NUP210L: variants seen among roughly 807,000 people sequenced by gnomAD.
NUP210L encodes the protein nuclear pore membrane glycoprotein 210-like.
A neutral mutation model predicts 208.5 loss-of-function variants in NUP210L; 74 were observed. That is an observed-to-expected ratio of 0.35 (90% CI 0.29 to 0.43). The LOEUF (loss-of-function observed/expected upper bound fraction) is 0.43. Among genes scored for constraint, NUP210L ranks in the 20% least tolerant of loss-of-function variants. NUP210L has a pLI of 1.00. For synonymous variants in NUP210L, 780 were observed against 816.9 expected, an observed-to-expected ratio of 0.95 and a Z score of 0.77; for missense variants, 1,843 against 2,289.4, an observed-to-expected ratio of 0.81 and a Z score of 3.98.
At chr1:154,032,079 C>T (rs1026202222) in intron 27 of NUP210L, among the ~76,000 whole-genome samples, 5 of 151,964 alleles carry the variant, frequency 3.3e-5, no homozygotes, top group African/African-American at 1.2e-4. Flanking sequence ...GTATATACAC[C>T]TCATTTTCTT....
intron 16 of NUP210L, among the ~76,000 whole-genome samples, chr1:154,077,418 C>G (rs1655094329): frequency 6.6e-6 from 1 of 151,594 alleles, no homozygotes; most frequent in South Asian, 2.1e-4. Context: ...AGACTGCCAG[C>G]CAACAATTCT....
intron 7 of NUP210L, among the ~76,000 whole-genome samples, chr1:154,130,627 G>C (rs1032810222): frequency 7.0e-6 from 1 of 141,864 alleles, no homozygotes; most frequent in Non-Finnish European, 1.5e-5. Context: ...CTGTCACCCA[G>C]GCTGAGTGCA....
At chr1:154,097,312 G>A (rs1656224440) in intron 14 of NUP210L, among the ~76,000 whole-genome samples, 1 of 152,056 alleles carries the variant, frequency 6.6e-6, no homozygotes, top group Admixed American at 6.6e-5. Flanking sequence ...TAAACAATTT[G>A]TTTTTCATCA....
chr1:154,033,761 A>G (rs1293596594), intron 27 of NUP210L, among the ~76,000 whole-genome samples: 1 of 152,056 alleles, frequency 6.6e-6, no homozygotes, highest in Non-Finnish European at 1.5e-5. Flanking sequence ...AACTTTTACA[A>G]TTATTTTTTC....
intron 35 of NUP210L, among the ~76,000 whole-genome samples, chr1:154,007,152 G>A (rs1238066494): frequency 7.2e-6 from 1 of 139,800 alleles, no homozygotes; most frequent in Non-Finnish European, 1.5e-5. Context: ...TAGTAAAGAC[G>A]GAGTTTCACC....
At chr1:154,096,802 C>T (rs1204337911) in intron 14 of NUP210L, among the ~76,000 whole-genome samples, 1 of 151,702 alleles carries the variant, frequency 6.6e-6, no homozygotes, top group African/African-American at 2.4e-5. Flanking sequence ...AGTTTTTGGC[C>T]AGGTGTGGTG....
chr1:154,031,646 T>G (rs1652229287), intron 27 of NUP210L, among the ~76,000 whole-genome samples: 2 of 151,902 alleles, frequency 1.3e-5, no homozygotes, highest in South Asian at 4.2e-4. Flanking sequence ...TGTCTATCTA[T>G]ACTTGGCTTA....
chr1:154,151,773 G>GC (rs1659396359), intron 2 of NUP210L, among the ~76,000 whole-genome samples: 1 of 151,992 alleles, frequency 6.6e-6, no homozygotes. Context: ...GTGCAACAAA[G>GC]CAAGACCCTG....
intron 38 of NUP210L, 123 bp downstream of exon 38, chr1:153,994,953 T>A: frequency 1.7e-6 from 1 of 577,254 alleles, no homozygotes; most frequent in South Asian, 2.2e-5. Flanking sequence ...CAGAGGTTGC[T>A]GTAAGCCAAG....
intron 20 of NUP210L, among the ~76,000 whole-genome samples, chr1:154,059,933 T>C (rs1408275843): frequency 2.0e-5 from 3 of 152,188 alleles, no homozygotes; most frequent in African/African-American, 7.2e-5. Flanking sequence ...ATGTCCTGGC[T>C]GAAAACATCA....
intron 7 of NUP210L, among the ~76,000 whole-genome samples, chr1:154,131,368 T>C (rs770165989): frequency 2.6e-5 from 4 of 152,088 alleles, no homozygotes; most frequent in Non-Finnish European, 4.4e-5. Flanking sequence ...AACAGATCTC[T>C]AAAACAATTC....
chr1:154,139,687 C>CAAA, intron 5 of NUP210L, 115 bp downstream of exon 5: 82 of 543,688 alleles, frequency 1.5e-4, no homozygotes, highest in South Asian at 2.6e-4. Context: ...AACAAACAAA[C>CAAA]AAAAAAAAAA....
chr1:154,062,117 C>T (rs11264972), intron 17 of NUP210L, among the ~76,000 whole-genome samples: 12,042 of 152,150 alleles, frequency 0.079, 614 homozygotes, highest in Middle Eastern at 0.14. Context: ...CGAGCCACCA[C>T]GCCCGGCCTG....
At chr1:154,126,120 C>T (rs144112887) in intron 10 of NUP210L, among the ~76,000 whole-genome samples, 21 of 152,016 alleles carry the variant, frequency 1.4e-4, no homozygotes, top group African/African-American at 4.8e-4. Context: ...ACACAATGAC[C>T]GCAAATGCAG....
intron 7 of NUP210L, among the ~76,000 whole-genome samples, chr1:154,134,159 AAT>A (rs1376738769): frequency 2.0e-5 from 3 of 150,090 alleles, no homozygotes; most frequent in African/African-American, 2.4e-5. Flanking sequence ...TCAAAAAAAA[AAT>A]AATAATAATA....
intron 2 of NUP210L, 31 bp downstream of exon 2, chr1:154,152,705 G>A: frequency 1.9e-6 from 3 of 1,597,948 alleles, no homozygotes; most frequent in Non-Finnish European, 2.6e-6. Flanking sequence ...CCCAGAAGAA[G>A]TGATACATAG....
chr1:154,118,783 A>G, exon 11 of NUP210L: 2 of 1,583,566 alleles, frequency 1.3e-6, no homozygotes, highest in Admixed American at 1.7e-5. Flanking sequence ...TTTGATTAGA[A>G]ATTTTATAGG....
intron 4 of NUP210L, among the ~76,000 whole-genome samples, chr1:154,140,811 T>C (rs1658818707): frequency 6.7e-6 from 1 of 150,346 alleles, no homozygotes; most frequent in African/African-American, 2.4e-5. Flanking sequence ...TGAAACCCTG[T>C]TCTCTACTAA....
chr1:154,126,176 A>G, intron 10 of NUP210L, 147 bp downstream of exon 10: 1 of 581,220 alleles, frequency 1.7e-6, no homozygotes, highest in Non-Finnish European at 3.0e-6. Flanking sequence ...AAATTTGTAG[A>G]GGTATACACT....
Sources: allele counts gnomAD v4.1 joint callset (sites outside exome capture counted in the v4.1 genomes callset), GRCh38; gene constraint gnomAD v4.1.1; transcripts MANE v1.5; gene names NCBI Gene and HGNC (gene_info 2026-07-23, HGNC 2026-07-21).